Variants in NAALADL2 observed in about 807,000 individuals in gnomAD.
The protein encoded by NAALADL2 is N-acetylated alpha-linked acidic dipeptidase like 2, also known as inactive N-acetylated-alpha-linked acidic dipeptidase-like protein 2.
In NAALADL2, 76 loss-of-function variants were observed where a neutral mutation model predicts 87.2. The observed-to-expected ratio is 0.87, with a 90% CI of 0.72 to 1.05. NAALADL2 has a LOEUF of 1.05. NAALADL2 is among the 50% of genes least tolerant of loss of function. The pLI is 0.00. For missense variants in NAALADL2, 1,089 were observed against 945.8 expected, an observed-to-expected ratio of 1.15 and a Z score of -1.99; for synonymous variants, 354 against 331.0, an observed-to-expected ratio of 1.07 and a Z score of -0.75.
chr3:174,713,472 C>G (rs1406065808), intron 2 of NAALADL2, among the ~76,000 whole-genome samples: 1 of 151,464 alleles, frequency 6.6e-6, no homozygotes, highest in African/African-American at 2.5e-5. Context: ...CCTGTTGTTT[C>G]CTGACTTTTT....
chr3:175,087,399 T>C (rs985370039), intron 1 of NAALADL2, among the ~76,000 whole-genome samples: 3 of 152,190 alleles, frequency 2.0e-5, no homozygotes, highest in Non-Finnish European at 4.4e-5. Flanking sequence ...CCACCCCGTC[T>C]GGGAGGTGTA....
intron 13 of NAALADL2, among the ~76,000 whole-genome samples, chr3:175,759,352 C>CTTT (rs768277021): frequency 5.8e-4 from 81 of 139,918 alleles, no homozygotes; most frequent in African/African-American, 1.1e-3. Flanking sequence ...TCAAGAAAGA[C>CTTT]TTTTTTTTTT....
chr3:175,537,302 T>A (rs1734952789), intron 9 of NAALADL2, among the ~76,000 whole-genome samples: 1 of 152,210 alleles, frequency 6.6e-6, no homozygotes, highest in African/African-American at 2.4e-5. Flanking sequence ...ACAGAAGAGA[T>A]AACCTATGAC....
chr3:174,546,554 C>T (rs1722753905), intron 1 of NAALADL2, among the ~76,000 whole-genome samples: 1 of 152,206 alleles, frequency 6.6e-6, no homozygotes, highest in African/African-American at 2.4e-5. Flanking sequence ...TTATTGATGG[C>T]TTCCTCTGCA....
intron 2 of NAALADL2, among the ~76,000 whole-genome samples, chr3:174,622,527 A>G (rs867278973): frequency 2.6e-5 from 4 of 152,166 alleles, no homozygotes; most frequent in South Asian, 4.1e-4. Flanking sequence ...TAACTTTTGA[A>G]TCCCTCCAAA....
chr3:175,004,061 T>C (rs939708082), intron 1 of NAALADL2, among the ~76,000 whole-genome samples: 1 of 151,844 alleles, frequency 6.6e-6, no homozygotes, highest in East Asian at 1.9e-4. Flanking sequence ...ACACACAGAG[T>C]GTACAGTAAC....
intron 10 of NAALADL2, among the ~76,000 whole-genome samples, chr3:175,586,015 G>T (rs1410613832): frequency 6.6e-6 from 1 of 152,080 alleles, no homozygotes; most frequent in African/African-American, 2.4e-5. Flanking sequence ...AAAATGTTAA[G>T]AACAGGTTTG....
chr3:175,461,835 ACAAT>A (rs1723175607), intron 6 of NAALADL2, among the ~76,000 whole-genome samples: 1 of 152,148 alleles, frequency 6.6e-6, no homozygotes, highest in Non-Finnish European at 1.5e-5. Context: ...AATTAGACAA[ACAAT>A]CAAAACAAAC....
intron 3 of NAALADL2, among the ~76,000 whole-genome samples, chr3:174,773,171 A>G (rs188959230): frequency 1.3e-5 from 2 of 152,316 alleles, no homozygotes; most frequent in Non-Finnish European, 2.9e-5. Context: ...TGAGAAGTCT[A>G]TTCAGTAATA....
At chr3:174,799,635 G>A (rs1183720771) in intron 3 of NAALADL2, among the ~76,000 whole-genome samples, 1 of 152,124 alleles carries the variant, frequency 6.6e-6, no homozygotes, top group African/African-American at 2.4e-5. Context: ...GTGTGAAAAT[G>A]GACTAATACA....
intron 9 of NAALADL2, among the ~76,000 whole-genome samples, chr3:175,537,343 T>A (rs1249861986): frequency 6.6e-6 from 1 of 152,236 alleles, no homozygotes; most frequent in Admixed American, 6.5e-5. Flanking sequence ...CTGTAGCTTG[T>A]ACTGTAAAAT....
chr3:175,034,547 C>T (rs1016586628), intron 1 of NAALADL2, among the ~76,000 whole-genome samples: 1 of 152,080 alleles, frequency 6.6e-6, no homozygotes, highest in African/African-American at 2.4e-5. Context: ...AAAGAGACTT[C>T]CCCTGGCCAC....
chr3:174,649,179 G>C (rs919554708), intron 2 of NAALADL2, among the ~76,000 whole-genome samples: 11 of 151,790 alleles, frequency 7.2e-5, no homozygotes, highest in Non-Finnish European at 1.6e-4. Flanking sequence ...GGCCAGGCTG[G>C]TCTTGAACTC....
At chr3:174,448,079 T>C (rs1337945360) in intron 1 of NAALADL2, among the ~76,000 whole-genome samples, 1 of 152,176 alleles carries the variant, frequency 6.6e-6, no homozygotes, top group Non-Finnish European at 1.5e-5. Context: ...TCCTCTGGCA[T>C]TGAGATATGA....
At chr3:174,689,908 T>C (rs1728402186) in intron 2 of NAALADL2, among the ~76,000 whole-genome samples, 1 of 152,180 alleles carries the variant, frequency 6.6e-6, no homozygotes, top group South Asian at 2.1e-4. Flanking sequence ...CAATATTTCT[T>C]GGTCATCAAC....
At chr3:175,801,267 A>C (rs1337895770) in intron 13 of NAALADL2, among the ~76,000 whole-genome samples, 1 of 152,074 alleles carries the variant, frequency 6.6e-6, no homozygotes, top group Non-Finnish European at 1.5e-5. Flanking sequence ...ATGAAATATA[A>C]TCACCTTTCT....
intron 3 of NAALADL2, among the ~76,000 whole-genome samples, chr3:175,247,587 T>A (rs1411876620): frequency 6.6e-6 from 1 of 152,110 alleles, no homozygotes; most frequent in Non-Finnish European, 1.5e-5. Context: ...TCGCTGGTAG[T>A]TGTGCCAGGG....
intron 2 of NAALADL2, among the ~76,000 whole-genome samples, chr3:174,558,230 A>G (rs1713106023): frequency 6.6e-6 from 1 of 152,070 alleles, no homozygotes; most frequent in Admixed American, 6.6e-5. Context: ...CCTGCTGGGT[A>G]ATTCTTTCCT....
At chr3:175,601,537 A>G (rs1722975236) in intron 10 of NAALADL2, among the ~76,000 whole-genome samples, 1 of 152,200 alleles carries the variant, frequency 6.6e-6, no homozygotes, top group African/African-American at 2.4e-5. Flanking sequence ...ATATATTGAC[A>G]TAAAGAGTGT....
Sources: allele counts gnomAD v4.1 joint callset (sites outside exome capture counted in the v4.1 genomes callset), GRCh38; gene constraint gnomAD v4.1.1; transcripts MANE v1.5; gene names NCBI Gene and HGNC (gene_info 2026-07-23, HGNC 2026-07-21).